Variants in APBA2 observed in about 807,000 individuals in gnomAD.
APBA2 encodes amyloid beta precursor protein binding family A member 2.
In APBA2, 30 loss-of-function variants were observed where a neutral mutation model predicts 75.0. The observed-to-expected ratio is 0.40, with a 90% CI of 0.30 to 0.54. APBA2 has a LOEUF of 0.54. APBA2 is among the 20% of genes least tolerant of loss of function. APBA2 has a pLI of 0.49. For missense variants in APBA2, 801 were observed against 1,016.1 expected (o/e 0.79, Z 2.88); for synonymous variants, 444 against 409.6 (o/e 1.08, Z -1.01).
chr15:28,977,424 C>A (rs896430555), intron 2 of APBA2: 1 of 152,166 alleles, frequency 6.6e-6, no homozygotes, highest in Non-Finnish European at 1.5e-5. Context: ...ACCCCACCCC[C>A]AAGATTTTCC....
chr15:29,109,443 G>A (rs540880927), intron 13 of APBA2, among the ~76,000 whole-genome samples: 10 of 152,280 alleles, frequency 6.6e-5, no homozygotes, highest in Admixed American at 5.2e-4. Context: ...AGTGGGGGCG[G>A]TGGGGGTGAG....
rs1297453896 is a variant in APBA2, at chr15:29,117,585, A to T, written c.*452A>T. 1 of 186,052 alleles carries T rather than the reference A, an allele frequency of 5.4e-6. No individual in the cohort carries two copies. The highest frequency in any genetic ancestry group is 2.4e-5 in the African/African-American group (1 of 42,518). The allele number at this position is 186,052 out of a possible 1,614,324, so 11.5% of individuals were successfully genotyped here. On this transcript the variant is annotated 3_prime_UTR_variant, in exon 15 of 15. Transcript: ENST00000683413. ...CCTGTGGGGCCCCCACAATGGTCCC[A>T]AACAGCTGCCTCTGCCACTGACTGC...
chr15:28,969,128 T>TTCTCTTTCTTTCTTTCTTTCTTTC lies in APBA2; in HGVS notation c.-94-26624_-94-26623insCTCTTTCTTTCTTTCTTTCTTTCT, dbSNP rs755972827. On this transcript the variant is annotated intron_variant, in intron 2 of 14. Coordinates refer to ENST00000683413, the MANE Select transcript of APBA2 (RefSeq NM_001353788.2). Reference sequence around the variant, plus strand: ...TACAAAAACCTTACCTTTCATTTCTTTTTCTTTCTTTCTTTCTTTCTTTCT... The same window carrying TTCTCTTTCTTTCTTTCTTTCTTTC: ...TACAAAAACCTTACCTTTCATTTCTTTCTCTTTCTTTCTTTCTTTCTTTCTTTCTTTCTTTCTTTCTTTCTTTCT... 2.9e-5 allele frequency among the ~76,000 whole-genome samples: 4 copies of TTCTCTTTCTTTCTTTCTTTCTTTC among 137,026 alleles called. No homozygotes were observed. In the South Asian group the frequency reaches 7.5e-4, roughly 26 times the overall value. 89.9% of individuals were successfully genotyped at this position (137,026 alleles called of 152,430 possible).
intron 3 of APBA2, among the ~76,000 whole-genome samples, chr15:28,998,424 G>A (rs1001544581): frequency 1.3e-5 from 2 of 152,146 alleles, no homozygotes; most frequent in Non-Finnish European, 2.9e-5. Context: ...ACGGGCTGAT[G>A]TGATACTAGC....
chr15:29,112,352 A>T (rs2044780307), intron 13 of APBA2, among the ~76,000 whole-genome samples: 1 of 152,224 alleles, frequency 6.6e-6, no homozygotes, highest in African/African-American at 2.4e-5. Flanking sequence ...AATGCTTAGC[A>T]CCCAGAGCGA....
At chr15:28,939,433 A>G (rs1417423222) in intron 2 of APBA2, among the ~76,000 whole-genome samples, 1 of 152,068 alleles carries the variant, frequency 6.6e-6, no homozygotes, top group Non-Finnish European at 1.5e-5. Context: ...GTGCCATACT[A>G]TTTTCCACAG....
intron 1 of APBA2, among the ~76,000 whole-genome samples, chr15:28,902,629 G>A (rs749947235): frequency 7.2e-5 from 11 of 152,226 alleles, no homozygotes; most frequent in Non-Finnish European, 1.3e-4. Flanking sequence ...CATGTGCTGT[G>A]CTGATGTATG....
At chr15:28,983,831 G>T (rs373976260) in intron 2 of APBA2, among the ~76,000 whole-genome samples, 2 of 152,194 alleles carry the variant, frequency 1.3e-5, no homozygotes, top group African/African-American at 4.8e-5. Context: ...GGATCTGCGG[G>T]AAGGGTTTTA....
intron 1 of APBA2, among the ~76,000 whole-genome samples, chr15:28,913,187 T>TGAA (rs953343564): frequency 6.6e-6 from 1 of 152,072 alleles, no homozygotes; most frequent in African/African-American, 2.4e-5. Context: ...GTAGCTGAGG[T>TGAA]GAAAGCATGT....
intron 2 of APBA2, among the ~76,000 whole-genome samples, chr15:28,944,063 T>TCCACCC (rs1306800079): frequency 6.6e-6 from 1 of 152,026 alleles, no homozygotes; most frequent in African/African-American, 2.4e-5. Flanking sequence ...TGGCCTACTC[T>TCCACCC]TCACCCTGGC....
intron 1 of APBA2, among the ~76,000 whole-genome samples, chr15:28,892,054 G>A (rs1595390619): frequency 6.6e-6 from 1 of 151,644 alleles, no homozygotes; most frequent in African/African-American, 2.4e-5. Flanking sequence ...GTCCTAGATG[G>A]GGTACTGTGT....
chr15:29,001,121 A>C (rs4779669), intron 3 of APBA2, among the ~76,000 whole-genome samples: 5 of 151,950 alleles, frequency 3.3e-5, no homozygotes, highest in Non-Finnish European at 7.4e-5. Context: ...TGCTTGTCCC[A>C]TATCCTCCAG....
In APBA2 at chr15:28,947,555, C is replaced by T. The variant is rs530203083; in HGVS notation, c.-95+25806C>T. Among the ~76,000 whole-genome samples, 18 of 152,314 alleles carry T rather than the reference C, an allele frequency of 1.2e-4. No homozygotes were observed. In the South Asian group the frequency reaches 1.9e-3, roughly 16 times the overall value. ...TGGCTGTGCTCAGGCCTGGCTTCTG[C>T]AGGCTTCTTCCTATCTTTGGAGCGG... is the stretch of plus-strand genomic sequence containing the variant. On this transcript the variant is annotated intron_variant, in intron 2 of 14. Coordinates refer to ENST00000683413, the MANE Select transcript of APBA2 (RefSeq NM_001353788.2).
intron 3 of APBA2, among the ~76,000 whole-genome samples, chr15:29,027,946 T>C (rs142259213): frequency 2.4e-4 from 37 of 152,190 alleles, no homozygotes; most frequent in African/African-American, 8.7e-4. Flanking sequence ...TTTTCACTTT[T>C]ATTTCTTAGA....
chr15:29,006,743 A>T (rs7175641), intron 3 of APBA2, among the ~76,000 whole-genome samples: 50,345 of 152,088 alleles, frequency 0.33, 13,838 homozygotes, highest in African/African-American at 0.72. Flanking sequence ...CCCCCATGAT[A>T]CAGTTATCGC....
chr15:29,050,277 G>A lies in APBA2; in HGVS notation c.-40-3568G>A, dbSNP rs74007059. Reference sequence around the variant, plus strand: ...ATGCAATACAATAATCTTATACCTAGCAAAGGTATCATTCTATGTGAGATC... The same window carrying A: ...ATGCAATACAATAATCTTATACCTAACAAAGGTATCATTCTATGTGAGATC... On this transcript the variant is annotated intron_variant, in intron 3 of 14. Coordinates refer to ENST00000683413, the MANE Select transcript of APBA2 (RefSeq NM_001353788.2). Among the ~76,000 whole-genome samples the A allele has an allele frequency of 4.1e-3, 619 of 152,264 alleles. 7 individuals carry two copies. Among genetic ancestry groups the A allele is most frequent in the African/African-American group, 0.014 (586 of 41,540 alleles).
At chr15:28,948,457 A>G (rs1188269331) in intron 2 of APBA2, among the ~76,000 whole-genome samples, 1 of 151,902 alleles carries the variant, frequency 6.6e-6, no homozygotes, top group Non-Finnish European at 1.5e-5. Flanking sequence ...TTGGACTGAC[A>G]TGTTAGCTCT....
intron 3 of APBA2, among the ~76,000 whole-genome samples, chr15:29,035,953 A>G (rs1321956413): frequency 1.3e-5 from 2 of 152,032 alleles, no homozygotes; most frequent in Non-Finnish European, 2.9e-5. Context: ...GCGCCCCCCT[A>G]CCTGGGGAAG....
chr15:28,993,275 C>T (rs1330758615), intron 2 of APBA2, among the ~76,000 whole-genome samples: 2 of 152,154 alleles, frequency 1.3e-5, no homozygotes, highest in African/African-American at 4.8e-5. Flanking sequence ...ATAGGTCACT[C>T]GAATCACACA....
Sources: gnomAD v4.1 joint callset for allele counts (sites outside exome capture counted in the v4.1 genomes callset) on GRCh38, gnomAD v4.1.1 for gene constraint, MANE v1.5 for transcripts, NCBI Gene and HGNC (gene_info 2026-07-23, HGNC 2026-07-21) for gene names.